Variants in CLNK observed in about 807,000 individuals in gnomAD.
CLNK encodes cytokine-dependent hematopoietic cell linker.
A neutral mutation model predicts 68.6 loss-of-function variants in CLNK; 74 were observed. The ratio of observed to expected loss-of-function variants is 1.08; its 90% CI spans 0.89 to 1.31. The LOEUF is 1.31. CLNK is among the 50% of genes most tolerant of loss of function. The pLI, the probability that CLNK is intolerant of heterozygous loss-of-function variation, is 0.00. For missense variants in CLNK, 553 were observed against 515.3 expected, an observed-to-expected ratio of 1.07 and a Z score of -0.71; for synonymous variants, 198 against 172.2, an observed-to-expected ratio of 1.15 and a Z score of -1.17.
At chr4:10,535,263 G>GAAAGAAAGAAAGAAAGAAAGAAAGAAAGA (rs1225148465) in intron 11 of CLNK, among the ~76,000 whole-genome samples, 5 of 144,822 alleles carry the variant, frequency 3.5e-5, no homozygotes, top group African/African-American at 1.3e-4. Flanking sequence ...AAGAAAGAAA[G>GAAAGAAAGAAAGAAAGAAAGAAAGAAAGA]AAAAAATGGA....
At chr4:10,581,311 G>GTA (rs1720770195) in intron 4 of CLNK, among the ~76,000 whole-genome samples, 1 of 151,938 alleles carries the variant, frequency 6.6e-6, no homozygotes, top group Admixed American at 6.6e-5. Context: ...GACTGTGTAT[G>GTA]TATATATATG....
At chr4:10,556,559 C>T (rs1719680840) in intron 8 of CLNK, among the ~76,000 whole-genome samples, 1 of 152,164 alleles carries the variant, frequency 6.6e-6, no homozygotes. Context: ...AACTATAAAT[C>T]AGATGGCAAT....
At position 10,513,498 on chromosome 4, in the gene CLNK, C is replaced by T. The variant is rs766299242; in HGVS notation, c.872G>A (p.Trp291Ter). The T allele has an allele frequency of 2.5e-6, 4 of 1,611,792 alleles. No individual in the cohort carries two copies. Among genetic ancestry groups the T allele is most frequent in the Admixed American group, 1.7e-5 (1 of 59,774 alleles). Residue 291 changes from tryptophan to a stop codon, truncating the protein, a stop_gained, in exon 16 of 19, where the codon TGG (tryptophan) becomes TAG (stop). Transcript: ENST00000226951. LOFTEE classifies it high-confidence loss of function. ...AGACCTTTTGGGGAAAGGTGGTCTC[C>T]AGCTTGTGTATTTATAGGGCAGTAT... ...ENILPYKYTS[W>*]RPPFPKRSDR...
Position 10,545,293 on chromosome 4 carries a change from A to G in CLNK, c.446-3013T>C, listed in dbSNP as rs552254649. Among the ~76,000 whole-genome samples, 6 of 152,320 alleles carry G rather than the reference A, an allele frequency of 3.9e-5. No homozygotes were observed. In the South Asian group the frequency reaches 1.2e-3, roughly 32 times the overall value. ...ATTGTGGGGCAAGCATAAGGTACAC[A>G]TTCCTATTCTAAAAGGGAGAAAGAG... On this transcript the variant is annotated intron_variant, in intron 8 of 18. Coordinates refer to ENST00000226951, the MANE Select transcript of CLNK (RefSeq NM_052964.4).
At chr4:10,515,144 A>T (rs1020500164) in intron 15 of CLNK, among the ~76,000 whole-genome samples, 1 of 152,200 alleles carries the variant, frequency 6.6e-6, no homozygotes, top group Non-Finnish European at 1.5e-5. Flanking sequence ...AGGCTGAGGC[A>T]GGAGAATCGC....
chr4:10,712,080 C>A, the CLNK span, among the ~76,000 whole-genome samples: 2 of 152,052 alleles, frequency 1.3e-5, no homozygotes, highest in Non-Finnish European at 2.9e-5. Flanking sequence ...CACCCATGTC[C>A]AAGGTATCAA....
intron 2 of CLNK, among the ~76,000 whole-genome samples, chr4:10,601,681 G>C (rs1240827594): frequency 6.6e-6 from 1 of 152,190 alleles, no homozygotes; most frequent in South Asian, 2.1e-4. Flanking sequence ...TACCCCACCT[G>C]GGGAGGACAG....
intron 2 of CLNK, among the ~76,000 whole-genome samples, chr4:10,618,869 G>A (rs559074383): frequency 8.5e-5 from 13 of 152,296 alleles, no homozygotes; most frequent in African/African-American, 3.1e-4. Context: ...TCTGGCCGCT[G>A]GATCCAATCA....
intron 1 of CLNK, among the ~76,000 whole-genome samples, chr4:10,675,491 G>A (rs1180798944): frequency 2.6e-5 from 4 of 152,122 alleles, no homozygotes; most frequent in Admixed American, 6.5e-5. Context: ...GAGAACTCTT[G>A]TTCTCCACTG....
intron 8 of CLNK, among the ~76,000 whole-genome samples, chr4:10,542,636 ATATGTGTGTGTGTGTGTG>A (rs1393431425): frequency 2.0e-5 from 3 of 146,656 alleles, no homozygotes; most frequent in Non-Finnish European, 4.5e-5. Context: ...GTGCATGTGT[ATATGTGTGTGTGTGTGTG>A]TATGTGTGTG....
At chr4:10,506,966 AT>A (rs916432179) in intron 17 of CLNK, among the ~76,000 whole-genome samples, 46 of 145,750 alleles carry the variant, frequency 3.2e-4, no homozygotes, top group South Asian at 4.4e-4. Flanking sequence ...TGCCCGGCCA[AT>A]TTTTTTTTTT....
At chr4:10,536,378 G>A (rs1348947388) in intron 11 of CLNK, among the ~76,000 whole-genome samples, 2 of 152,296 alleles carry the variant, frequency 1.3e-5, no homozygotes, top group South Asian at 2.1e-4. Flanking sequence ...TGGGACTTGG[G>A]CATCACTAAT....
the CLNK span, among the ~76,000 whole-genome samples, chr4:10,723,919 A>AGACAGAGAGAGAG: frequency 2.0e-5 from 3 of 148,008 alleles, no homozygotes; most frequent in South Asian, 2.2e-4. Flanking sequence ...AGAGAGAGAG[A>AGACAGAGAGAGAG]AGGCAGGGCA....
intron 2 of CLNK, among the ~76,000 whole-genome samples, chr4:10,603,417 A>C (rs1202838992): frequency 6.6e-6 from 1 of 152,190 alleles, no homozygotes; most frequent in Non-Finnish European, 1.5e-5. Flanking sequence ...TCCTCTTAAC[A>C]ATCCTATGAG....
chr4:10,682,666 T>C (rs1473563917), intron 1 of CLNK, among the ~76,000 whole-genome samples: 3 of 152,242 alleles, frequency 2.0e-5, no homozygotes, highest in African/African-American at 7.2e-5. Context: ...ACTAGATTCA[T>C]GTCCATTTTT....
chr4:10,572,909 A>G (rs1291073520), intron 4 of CLNK, among the ~76,000 whole-genome samples: 2 of 151,930 alleles, frequency 1.3e-5, no homozygotes, highest in East Asian at 1.9e-4. Flanking sequence ...GCTCACTGCA[A>G]CCTCCACCTC....
chr4:10,501,230 C>T (rs142755639), intron 18 of CLNK, 26 bp downstream of exon 18: 4 of 1,537,134 alleles, frequency 2.6e-6, no homozygotes, highest in African/African-American at 2.8e-5. Context: ...TAGCCTGGAA[C>T]AGGGAGGCTG....
intron 15 of CLNK, among the ~76,000 whole-genome samples, chr4:10,518,630 A>C (rs1035679767): frequency 6.6e-6 from 1 of 152,232 alleles, no homozygotes; most frequent in African/African-American, 2.4e-5. Context: ...TTCTCTCCTG[A>C]GATCCACTTG....
intron 2 of CLNK, among the ~76,000 whole-genome samples, chr4:10,624,394 G>C (rs1452001921): frequency 6.6e-6 from 1 of 152,112 alleles, no homozygotes; most frequent in Non-Finnish European, 1.5e-5. Context: ...CTGGGTTCAC[G>C]CCATTCTCCT....
Sources: gnomAD v4.1 joint callset for allele counts (sites outside exome capture counted in the v4.1 genomes callset) on GRCh38, gnomAD v4.1.1 for gene constraint, MANE v1.5 for transcripts, NCBI Gene and HGNC (gene_info 2026-07-23, HGNC 2026-07-21) for gene names.